NTSR1: variants seen among roughly 807,000 people sequenced by gnomAD.
The protein encoded by NTSR1 is neurotensin receptor 1, also known as neurotensin receptor type 1.
A neutral mutation model predicts 31.2 loss-of-function variants in NTSR1; 29 were observed. The observed-to-expected ratio is 0.93, with a 90% CI of 0.69 to 1.27. NTSR1 has a LOEUF of 1.27. Ranked by LOEUF, NTSR1 falls within the 50% of genes most tolerant of loss-of-function variation. The pLI, the probability that NTSR1 is intolerant of heterozygous loss-of-function variation, is 0.00. For missense variants in NTSR1, 697 were observed against 595.4 expected, an observed-to-expected ratio of 1.17 and a Z score of -1.78; for synonymous variants, 282 against 269.9, an observed-to-expected ratio of 1.04 and a Z score of -0.44.
intron 1 of NTSR1, 47 bp from the exon 2 acceptor site, chr20:62,754,638 T>C (rs1252965646): frequency 6.7e-7 from 1 of 1,493,262 alleles, no homozygotes; most frequent in African/African-American, 1.4e-5. Context: ...TGAGGGTGCA[T>C]GAGTCCCGCT....
Position 62,742,119 on chromosome 20 carries a change from G to A in NTSR1, c.715-12566G>A, listed in dbSNP as rs1181318280. Among the ~76,000 whole-genome samples the A allele has an allele frequency of 2.0e-5, 3 of 149,584 alleles. No individual in the cohort carries two copies. Among genetic ancestry groups the A allele is most frequent in the East Asian group, 2.2e-4 (1 of 4,458 alleles). ...CACATCAGAGCTCTCTGATGGAGGCGTGGACGGGGTCGTGAGGGGCCAAGT... is the reference window on the plus strand; with the variant it reads ...CACATCAGAGCTCTCTGATGGAGGCATGGACGGGGTCGTGAGGGGCCAAGT... On this transcript the variant is annotated intron_variant, in intron 1 of 3. Coordinates refer to ENST00000370501, the MANE Select transcript of NTSR1 (RefSeq NM_002531.3). This position sits in a 1 kb window ranked among gnomAD's most constrained non-coding sequence, Gnocchi z 7.1.
At chr20:62,740,236 A>C (rs1000809370) in intron 1 of NTSR1, among the ~76,000 whole-genome samples, 4 of 152,382 alleles carry the variant, frequency 2.6e-5, no homozygotes, top group African/African-American at 4.8e-5. Context: ...TATGAACGAA[A>C]GCCTCAGCAA....
rs374084139 is a variant in NTSR1 at position 62,709,891 on chromosome 20, C to A, written c.684C>A (p.Ile228=). Residue 228 remains isoleucine, a synonymous_variant, in exon 1 of 4, where the codon ATC becomes ATA. Transcript: ENST00000370501. ...GCGGCCTGGTGTGCACCCCCACCAT[C>A]CACACTGCCACCGTCAAGGTCGTCA... The part of the protein sequence containing the change: ...HAGGLVCTPT[I]HTATVKVVIQ... 24 of 1,599,298 alleles carry A rather than the reference C, an allele frequency of 1.5e-5. 1 individual carries two copies. The African/African-American group carries it at 2.1e-4, about 14-fold the overall frequency.
chr20:62,751,697 C>G (rs1182463676), intron 1 of NTSR1, among the ~76,000 whole-genome samples: 1 of 152,250 alleles, frequency 6.6e-6, no homozygotes, highest in Non-Finnish European at 1.5e-5. Flanking sequence ...AGGGCCTACC[C>G]AGGCCTTTTG....
At chr20:62,729,587 C>A (rs1296539502) in intron 1 of NTSR1, among the ~76,000 whole-genome samples, 2 of 151,732 alleles carry the variant, frequency 1.3e-5, no homozygotes, top group Non-Finnish European at 2.9e-5. Context: ...ATCAGAATCT[C>A]CAGGGCAGAG....
intron 1 of NTSR1, chr20:62,735,485 A>G (rs920215631): frequency 6.6e-6 from 1 of 152,202 alleles, no homozygotes; most frequent in Non-Finnish European, 1.5e-5. Context: ...CTATACAACA[A>G]AGAGCCAGCA....
In NTSR1 at chr20:62,758,436, T is replaced by C; in HGVS notation, c.1007+80T>C. ...AGATGGTGGGTGTGGCAGGCACTGC[T>C]GAGGGGATCCACTCAGGGCAGGGGT... On this transcript the variant is annotated intron_variant, in intron 3 of 3. Coordinates refer to ENST00000370501, the MANE Select transcript of NTSR1 (RefSeq NM_002531.3). The surrounding 1 kb of genome is among the most constrained non-coding windows in gnomAD (Gnocchi z 4.5). The C allele has an allele frequency of 7.7e-7, 1 of 1,305,998 alleles. No homozygotes were observed. The highest frequency in any genetic ancestry group is 1.2e-5 in the South Asian group (1 of 81,666). The allele number at this position is 1,305,998 out of a possible 1,614,324, so 80.9% of individuals were successfully genotyped here. A position where few individuals can be genotyped will look rare whatever the true frequency, so the allele number is the denominator to read the frequency against.
intron 1 of NTSR1, among the ~76,000 whole-genome samples, chr20:62,736,891 G>A (rs1989105268): frequency 6.6e-6 from 1 of 152,228 alleles, no homozygotes; most frequent in Non-Finnish European, 1.5e-5. Flanking sequence ...TCTTGTGAGA[G>A]TGAATCTCAT....
chr20:62,750,841 T>C (rs1449760073), intron 1 of NTSR1, among the ~76,000 whole-genome samples: 2 of 152,072 alleles, frequency 1.3e-5, no homozygotes, highest in African/African-American at 4.8e-5. Flanking sequence ...TCACAATGTA[T>C]ACATAGATGA....
At chr20:62,752,445 G>A (rs1451685289) in intron 1 of NTSR1, among the ~76,000 whole-genome samples, 5 of 152,166 alleles carry the variant, frequency 3.3e-5, no homozygotes, top group Non-Finnish European at 5.9e-5. Flanking sequence ...AGTCTCCAGG[G>A]TGGGCAGGTG....
intron 1 of NTSR1, among the ~76,000 whole-genome samples, chr20:62,747,845 T>C (rs1989327552): frequency 6.6e-6 from 1 of 152,198 alleles, no homozygotes. Flanking sequence ...TGAAAATAAG[T>C]TGTGTTTCTA....
intron 1 of NTSR1, among the ~76,000 whole-genome samples, chr20:62,739,970 GCA>G (rs1989173832): frequency 6.6e-6 from 1 of 152,228 alleles, no homozygotes; most frequent in Non-Finnish European, 1.5e-5. Flanking sequence ...GCCCCTGGCC[GCA>G]CCGCCTCGTC....
intron 2 of NTSR1, among the ~76,000 whole-genome samples, chr20:62,755,748 C>T (rs1268617782): frequency 6.5e-4 from 2 of 3,096 alleles, no homozygotes; most frequent in Admixed American, 3.3e-3. Flanking sequence ...CTCCCTCCCT[C>T]CAGCCATCCT....
chr20:62,710,051 C>A, intron 1 of NTSR1, 130 bp downstream of exon 1: 1 of 822,122 alleles, frequency 1.2e-6, no homozygotes, highest in Non-Finnish European at 1.9e-6. Context: ...GCTGGGAAGG[C>A]GGTTGGGGCA....
chr20:62,741,509 C>T lies in NTSR1; in HGVS notation c.715-13176C>T, dbSNP rs939455680. Among the ~76,000 whole-genome samples the T allele has an allele frequency of 3.3e-5, 5 of 149,526 alleles. No individual in the cohort carries two copies. The highest frequency in any genetic ancestry group is 5.9e-5 in the Non-Finnish European group (4 of 68,008). On this transcript the variant is annotated intron_variant, in intron 1 of 3. Transcript: ENST00000370501. The surrounding 1 kb of genome is among the most constrained non-coding windows in gnomAD (Gnocchi z 4.3). ...CCAGCTGGCTTGGGGGTCCCTACAC[C>T]GGCCCCCTGCCCCACACCATGTTCC...
chr20:62,724,901 G>A (rs1220229677), intron 1 of NTSR1, among the ~76,000 whole-genome samples: 2 of 152,148 alleles, frequency 1.3e-5, no homozygotes, highest in Admixed American at 6.5e-5. Flanking sequence ...GCGTCTCTGT[G>A]TCATCTAAGG....
chr20:62,740,308 T>C (rs73918669), intron 1 of NTSR1, among the ~76,000 whole-genome samples: 2,840 of 150,230 alleles, frequency 0.019, 111 homozygotes, highest in African/African-American at 0.067. Flanking sequence ...TTACAAGCCG[T>C]GCAGGCCGGA....
intron 1 of NTSR1, among the ~76,000 whole-genome samples, chr20:62,752,530 CTG>C (rs1027908774): frequency 6.6e-6 from 1 of 152,242 alleles, no homozygotes; most frequent in African/African-American, 2.4e-5. Context: ...GCGGCAGACT[CTG>C]TTCCCTCCCT....
In NTSR1 at chr20:62,754,878, G is replaced by GCGTCCGT; in HGVS notation, c.913_914insGTCGTCC (p.Leu305ArgfsTer30). On this transcript the variant is annotated frameshift_variant, in exon 2 of 4. Transcript: ENST00000370501. LOFTEE classifies it high-confidence loss of function. Reference sequence around the variant, plus strand: ...GTCCAGGCCCTGCGGCACGGCGTGCGCGTCCTACGTACGTAACCTCTGGGC... The same window carrying GCGTCCGT: ...GTCCAGGCCCTGCGGCACGGCGTGCGCGTCCGTCGTCCTACGTACGTAACCTCTGGGC... The GCGTCCGT allele has an allele frequency of 6.3e-7, 1 of 1,598,818 alleles. No individual in the cohort carries two copies. Among genetic ancestry groups the GCGTCCGT allele is most frequent in the Non-Finnish European group, 8.5e-7 (1 of 1,177,080 alleles).
Sources: gnomAD v4.1 joint callset for allele counts (sites outside exome capture counted in the v4.1 genomes callset) on GRCh38, gnomAD v4.1.1 for gene constraint, Gnocchi (gnomAD v3.1) non-coding constraint, MANE v1.5 for transcripts, NCBI Gene and HGNC (gene_info 2026-07-23, HGNC 2026-07-21) for gene names.